Variants in NLGN4X observed in about 807,000 individuals in gnomAD.
NLGN4X encodes the protein neuroligin 4 X-linked, also known as neuroligin-4, X-linked.
A neutral mutation model predicts 40.3 loss-of-function variants in NLGN4X; 3 were observed. That is an observed-to-expected ratio of 0.07 (90% confidence interval 0.03 to 0.19). NLGN4X has a LOEUF of 0.19. NLGN4X is among the 10% of genes least tolerant of loss of function. The pLI, the probability that NLGN4X is intolerant of heterozygous loss-of-function variation, is 1.00. For missense variants in NLGN4X, 382 were observed against 708.3 expected (o/e 0.54, Z 5.23); for synonymous variants, 270 against 306.8 (o/e 0.88, Z 1.25).
chrX:6,116,209 C>T (rs1300333206), intron 2 of NLGN4X, among the ~76,000 whole-genome samples: 1 of 90,546 alleles, frequency 1.1e-5, no homozygotes, highest in African/African-American at 4.1e-5. Flanking sequence ...AGGAGAATGG[C>T]GTGAACCCGG....
intron 2 of NLGN4X, among the ~76,000 whole-genome samples, chrX:6,064,177 C>A (rs2178611): frequency 0.48 from 52,708 of 109,452 alleles, 9,391 homozygotes; most frequent in African/African-American, 0.53. Flanking sequence ...CTCCACCTTC[C>A]TAGAGGGTTA....
chrX:6,183,471 C>T (rs902716242), intron 1 of NLGN4X, among the ~76,000 whole-genome samples: 1 of 110,325 alleles, frequency 9.1e-6, no homozygotes, highest in Non-Finnish European at 1.9e-5. Flanking sequence ...TGCATGAACA[C>T]GGGAGGCGGA....
At chrX:6,079,063 C>G (rs753033108) in intron 2 of NLGN4X, among the ~76,000 whole-genome samples, 1 of 107,951 alleles carries the variant, frequency 9.3e-6, no homozygotes, top group Non-Finnish European at 1.9e-5. Flanking sequence ...TTCCTGAGGC[C>G]TTCCCAGCTA....
chrX:6,205,926 A>G (rs911399133), intron 1 of NLGN4X, among the ~76,000 whole-genome samples: 1 of 112,112 alleles, frequency 8.9e-6, no homozygotes, highest in Non-Finnish European at 1.9e-5. Context: ...TTTATTTAGA[A>G]AACACACGGA....
At chrX:5,952,792 C>A (rs895210330) in intron 3 of NLGN4X, among the ~76,000 whole-genome samples, 3 of 110,944 alleles carry the variant, frequency 2.7e-5, no homozygotes, top group African/African-American at 3.3e-5. Context: ...CGAATGCCTT[C>A]TTCTGCTTTG....
intron 2 of NLGN4X, among the ~76,000 whole-genome samples, chrX:6,149,431 C>A (rs1318345605): frequency 8.9e-6 from 1 of 111,865 alleles, no homozygotes; most frequent in East Asian, 2.8e-4. Context: ...GTCTTCCTTT[C>A]TTTTTGGTTT....
intron 4 of NLGN4X, among the ~76,000 whole-genome samples, chrX:5,904,885 T>A (rs1242331415): frequency 9.0e-6 from 1 of 111,076 alleles, no homozygotes; most frequent in Non-Finnish European, 1.9e-5. Flanking sequence ...GAGGAAAATA[T>A]AACTGTCATC....
intron 3 of NLGN4X, among the ~76,000 whole-genome samples, chrX:6,024,468 G>T (rs911341546): frequency 9.0e-6 from 1 of 110,739 alleles, no homozygotes; most frequent in Non-Finnish European, 1.9e-5. Context: ...CGTAAGGCTG[G>T]GACCTACTGG....
Position 5,900,664 on chromosome X carries a change from C to A in NLGN4X, c.1601+2413G>T, listed in dbSNP as rs1165471046. Among the ~76,000 whole-genome samples the A allele has an allele frequency of 2.9e-5, 3 of 103,447 alleles. No homozygotes were observed. The East Asian group carries it at 9.2e-4, about 32-fold the overall frequency. 89.8% of individuals were successfully genotyped at this position (103,447 alleles called of 115,157 possible). A position where few individuals can be genotyped will look rare whatever the true frequency, so the allele number is the denominator to read the frequency against. On this transcript the variant is annotated intron_variant, in intron 5 of 5. Coordinates refer to ENST00000381095, the MANE Select transcript of NLGN4X (RefSeq NM_181332.3). The stretch of plus-strand genomic sequence containing the variant: ...ACATGGCCCACTGCAGCCTTGACCT[C>A]CTGAGCTCAAGTGATCCCTCTGCCT...
chrX:5,958,487 G>T (rs1272974119), intron 3 of NLGN4X, among the ~76,000 whole-genome samples: 1 of 111,368 alleles, frequency 9.0e-6, no homozygotes, highest in Non-Finnish European at 1.9e-5. Context: ...AAGTGTTTCT[G>T]CCTGATGTCT....
rs145884182 is a variant in NLGN4X at position 6,136,728 on chromosome X, A to T, written c.472+14267T>A. On this transcript the variant is annotated intron_variant, in intron 2 of 5. Transcript: ENST00000381095. ...TATTCCATGAGACACAAACAAATCC[A>T]ATGTCCTGCCTACACTCAAGGGGGA... Among the ~76,000 whole-genome samples the T allele has an allele frequency of 6.7e-3, 751 of 112,284 alleles. 2 individuals are homozygous for T. The highest frequency in any genetic ancestry group is 0.021 in the African/African-American group (657 of 30,913).
At chrX:6,091,850 G>A (rs1173388918) in intron 2 of NLGN4X, among the ~76,000 whole-genome samples, 2 of 111,411 alleles carry the variant, frequency 1.8e-5, no homozygotes, top group Non-Finnish European at 3.8e-5. Context: ...TGAGTAAGAT[G>A]TTCCTCAGTA....
intron 3 of NLGN4X, among the ~76,000 whole-genome samples, chrX:5,969,333 A>G (rs1028649389): frequency 2.7e-5 from 3 of 111,651 alleles, no homozygotes; most frequent in Non-Finnish European, 5.6e-5. Context: ...CCAAGAAAAA[A>G]CAAAACAACC....
At chrX:6,024,996 A>G (rs368115693) in intron 3 of NLGN4X, among the ~76,000 whole-genome samples, 4 of 111,778 alleles carry the variant, frequency 3.6e-5, no homozygotes, top group African/African-American at 1.3e-4. Flanking sequence ...CACGAGAATC[A>G]AGAACCCTCT....
intron 2 of NLGN4X, among the ~76,000 whole-genome samples, chrX:6,072,703 T>C (rs1366133325): frequency 8.9e-6 from 1 of 111,810 alleles, no homozygotes; most frequent in Non-Finnish European, 1.9e-5. Flanking sequence ...CCTGTGTCTG[T>C]CTGCTCTCCC....
intron 1 of NLGN4X, among the ~76,000 whole-genome samples, chrX:6,159,438 ATTC>A (rs1269356795): frequency 4.4e-5 from 5 of 112,526 alleles, no homozygotes; most frequent in Non-Finnish European, 9.4e-5. Flanking sequence ...TAATCAAAAG[ATTC>A]TCATCCGTAT....
intron 3 of NLGN4X, among the ~76,000 whole-genome samples, chrX:5,914,371 T>C (rs968284221): frequency 9.0e-6 from 1 of 111,259 alleles, no homozygotes; most frequent in African/African-American, 3.3e-5. Context: ...TGCAAGTAAA[T>C]GGTAAGGAAC....
intron 3 of NLGN4X, among the ~76,000 whole-genome samples, chrX:6,009,197 C>T (rs2036183320): frequency 8.9e-6 from 1 of 111,848 alleles, no homozygotes; most frequent in Non-Finnish European, 1.9e-5. Context: ...TGGTTAAGGA[C>T]TGCGTATACA....
chrX:6,023,251 C>T (rs1766038202), intron 3 of NLGN4X, among the ~76,000 whole-genome samples: 1 of 111,663 alleles, frequency 9.0e-6, no homozygotes, highest in Admixed American at 9.5e-5. Context: ...GTGGTTAATG[C>T]CACCATCACC....
Sources: gnomAD v4.1 joint callset for allele counts (sites outside exome capture counted in the v4.1 genomes callset) on GRCh38, gnomAD v4.1.1 for gene constraint, MANE v1.5 for transcripts, NCBI Gene and HGNC (gene_info 2026-07-23, HGNC 2026-07-21) for gene names.